WNK2: variants seen among roughly 807,000 people sequenced by gnomAD.
The protein encoded by WNK2 is serine/threonine-protein kinase WNK2.
A neutral mutation model predicts 192.1 loss-of-function variants in WNK2; 67 were observed. The observed-to-expected ratio is 0.35, with a 90% confidence interval of 0.29 to 0.43. WNK2 has a LOEUF of 0.43. Among genes scored for constraint, WNK2 ranks in the 20% least tolerant of loss-of-function variants. WNK2 has a pLI of 1.00. For synonymous variants in WNK2, 1,439 were observed against 1,393.9 expected (o/e 1.03, Z -0.72); for missense variants, 2,698 against 3,089.7 (o/e 0.87, Z 3.01).
At chr9:93,217,212 C>T (rs774472921) in intron 2 of WNK2, among the ~76,000 whole-genome samples, 40 of 152,212 alleles carry the variant, frequency 2.6e-4, no homozygotes, top group Non-Finnish European at 1.3e-4. Context: ...CTGCCTCGGC[C>T]TCCCAAAGTG....
intron 2 of WNK2, among the ~76,000 whole-genome samples, chr9:93,211,201 T>TTCACTCACTCATTTACTCACTCATCCAC (rs1834514677): frequency 3.1e-4 from 1 of 3,212 alleles, no homozygotes; most frequent in Non-Finnish European, 5.3e-4. Flanking sequence ...CACTCACACA[T>TTCACTCACTCATTTACTCACTCATCCAC]TTACTCATTC....
At chr9:93,297,355 G>T (rs1407052145) in intron 23 of WNK2, among the ~76,000 whole-genome samples, 3 of 152,200 alleles carry the variant, frequency 2.0e-5, no homozygotes, top group African/African-American at 4.8e-5. Context: ...CATATGGTGT[G>T]GCATGGCCCC....
chr9:93,204,748 G>C (rs1450374264), intron 2 of WNK2, among the ~76,000 whole-genome samples: 1 of 152,192 alleles, frequency 6.6e-6, no homozygotes, highest in Non-Finnish European at 1.5e-5. Flanking sequence ...TGTCAGCACT[G>C]TTTGGGGCTC....
intron 8 of WNK2, among the ~76,000 whole-genome samples, chr9:93,249,471 A>C (rs902734886): frequency 2.0e-4 from 31 of 152,076 alleles, no homozygotes; most frequent in African/African-American, 7.2e-4. Flanking sequence ...TCTCAAAAAC[A>C]CTTTTTTTGT....
chr9:93,186,439 G>A (rs1320369053), intron 2 of WNK2, among the ~76,000 whole-genome samples: 4 of 152,186 alleles, frequency 2.6e-5, no homozygotes, highest in South Asian at 4.1e-4. Flanking sequence ...GGAAGCAGAG[G>A]CCATGCCTGT....
At position 93,229,617 on chromosome 9, in the gene WNK2, G is replaced by GCGCTGCTGGGATGTGA; in HGVS notation, c.682-75_682-60dup. ...TGGGAAGGGCTGGTCCTACTGTGTG[G>GCGCTGCTGGGATGTGA]CGCTGCTGGGATGTGACGCCACCGT... On this transcript the variant is annotated intron_variant, in intron 2 of 29. Transcript: ENST00000427277. This position sits in a 1 kb window ranked among gnomAD's most constrained non-coding sequence, Gnocchi z 4.9. 5 of 1,495,720 alleles carry GCGCTGCTGGGATGTGA rather than the reference G, an allele frequency of 3.3e-6. No homozygotes were observed. The highest frequency in any genetic ancestry group is 4.5e-6 in the Non-Finnish European group (5 of 1,109,718). The allele number at this position is 1,495,720 out of a possible 1,614,324, so 92.7% of individuals were successfully genotyped here. A position where few individuals can be genotyped will look rare whatever the true frequency, so the allele number is the denominator to read the frequency against.
At chr9:93,201,675 C>CT (rs1436533956) in intron 2 of WNK2, among the ~76,000 whole-genome samples, 1 of 152,254 alleles carries the variant, frequency 6.6e-6, no homozygotes, top group African/African-American at 2.4e-5. Flanking sequence ...GGACCATGTG[C>CT]TTCCCAAGTG....
At chr9:93,209,594 G>A (rs1539669) in intron 2 of WNK2, among the ~76,000 whole-genome samples, 129,557 of 152,122 alleles carry the variant, frequency 0.85, 55,435 homozygotes, top group East Asian at 0.91. Flanking sequence ...TTTGGGGTGC[G>A]GTTGAGGAGA....
At chr9:93,221,408 A>G (rs1299444174) in intron 2 of WNK2, among the ~76,000 whole-genome samples, 8 of 152,328 alleles carry the variant, frequency 5.3e-5, no homozygotes, top group Non-Finnish European at 1.0e-4. Context: ...TGACAAGGCC[A>G]TGACAGACTC....
intron 3 of WNK2, among the ~76,000 whole-genome samples, 198 bp from the exon 4 acceptor site, chr9:93,230,690 C>A (rs1277199206): frequency 6.6e-6 from 1 of 152,202 alleles, no homozygotes; most frequent in East Asian, 1.9e-4. Context: ...GTGAGCCCAC[C>A]CAGCTGGCTG....
chr9:93,184,531 C>A (rs1828903120), intron 1 of WNK2, among the ~76,000 whole-genome samples, 146 bp downstream of exon 1: 1 of 152,154 alleles, frequency 6.6e-6, no homozygotes, highest in Non-Finnish European at 1.5e-5. Flanking sequence ...CCTCCCACCC[C>A]CGGGCTTCCC....
In WNK2 at chr9:93,308,573, G is replaced by C. The variant is rs148525339; in HGVS notation, c.6505G>C (p.Glu2169Gln). 6.3e-7 allele frequency: 1 copy of C among 1,584,650 alleles called. No homozygotes were observed. Among genetic ancestry groups the C allele is most frequent in the African/African-American group, 1.3e-5 (1 of 74,572 alleles). The part of the protein sequence containing the change: ...EAQAGWAAPG[E>Q]ARAMTAPRAG... Reference sequence around the variant, plus strand: ...CCAGGCAGGCTGGGCTGCCCCTGGCGAGGCGCGGGCTGTGAGTGCGGGGCG... The same window carrying C: ...CCAGGCAGGCTGGGCTGCCCCTGGCCAGGCGCGGGCTGTGAGTGCGGGGCG... Residue 2169 changes from glutamate to glutamine, a missense_variant, in exon 28 of 30, where the codon GAG becomes CAG. Glu to Gln is a conservative substitution (Grantham distance 29). This residue lies in a region of WNK2 where 167 missense variants were observed against 184.2 expected (regional missense o/e 0.91). Transcript: ENST00000427277.
chr9:93,310,915 G>A (rs983576304), intron 28 of WNK2, among the ~76,000 whole-genome samples: 1 of 152,200 alleles, frequency 6.6e-6, no homozygotes. Flanking sequence ...AGTGAACTAT[G>A]ATTGTACCAC....
rs971763979 is a variant in WNK2, at chr9:93,196,749, T to C, written c.681+11139T>C. On this transcript the variant is annotated intron_variant, in intron 2 of 29. Transcript: ENST00000427277. ...GTGTAGCAGGTTATGATCTGTTCTC[T>C]GGGGCTGGGCATAGTGAGTTTCTGG... Among the ~76,000 whole-genome samples, 2 of 152,224 alleles carry C rather than the reference T, an allele frequency of 1.3e-5. 1 individual carries two copies. Among genetic ancestry groups the C allele is most frequent in the Admixed American group, 1.3e-4 (2 of 15,288 alleles).
At chr9:93,242,270 G>A (rs1308390024) in intron 7 of WNK2, among the ~76,000 whole-genome samples, 2 of 152,168 alleles carry the variant, frequency 1.3e-5, no homozygotes, top group East Asian at 3.8e-4. Flanking sequence ...GTGGCCACCT[G>A]TGTCCCCACC....
intron 21 of WNK2, 128 bp from the exon 22 acceptor site, chr9:93,292,180 A>G (rs1305771678): frequency 1.4e-5 from 13 of 909,234 alleles, no homozygotes; most frequent in Non-Finnish European, 2.1e-5. Context: ...CCCAGTACCC[A>G]CTTCCATTGT....
In WNK2 at chr9:93,184,153, G is replaced by A. The variant is rs959443661; in HGVS notation, c.-235G>A. 2.7e-5 allele frequency among the ~76,000 whole-genome samples: 4 copies of A among 148,664 alleles called. No individual in the cohort carries two copies. Among genetic ancestry groups the A allele is most frequent in the African/African-American group, 7.4e-5 (3 of 40,724 alleles). On this transcript the variant is annotated 5_prime_UTR_variant, in exon 1 of 30. Coordinates refer to ENST00000427277, the MANE Select transcript of WNK2 (RefSeq NM_006648.4). The stretch of plus-strand genomic sequence containing the variant: ...GGAGCCCCGCCCTCCCCGCGCGCCG[G>A]GTCGGAGCCGGTGCGGGAGCGGAGC...
rs1853038426 is a variant in WNK2 at position 93,308,554 on chromosome 9, A to G, written c.6486A>G (p.Ala2162=). 2 of 1,392,952 alleles carry G rather than the reference A, an allele frequency of 1.4e-6. No homozygotes were observed. The highest frequency in any genetic ancestry group is 1.5e-5 in the African/African-American group (1 of 66,812). The allele number at this position is 1,392,952 out of a possible 1,614,324, so 86.3% of individuals were successfully genotyped here. A position where few individuals can be genotyped will look rare whatever the true frequency, so the allele number is the denominator to read the frequency against. The change falls in exon 28 of 30, where the codon GCA becomes GCG. Residue 2162 remains alanine, a synonymous_variant. Coordinates refer to ENST00000427277, the MANE Select transcript of WNK2 (RefSeq NM_006648.4). The part of the protein sequence containing the change: ...TQKLQDMEAQ[A]GWAAPGEARA... ...AGCTGCAAGACATGGAGGCCCAGGC[A>G]GGCTGGGCTGCCCCTGGCGAGGCGC...
At chr9:93,238,529 CTTG>C (rs1840202212) in intron 6 of WNK2, among the ~76,000 whole-genome samples, 2 of 152,198 alleles carry the variant, frequency 1.3e-5, no homozygotes, top group African/African-American at 4.8e-5. Context: ...CCCTCACGTC[CTTG>C]TTGGCCATCT....
Sources: allele counts gnomAD v4.1 joint callset (sites outside exome capture counted in the v4.1 genomes callset), GRCh38; gene constraint gnomAD v4.1.1; regional missense constraint gnomAD v4.1.1; non-coding constraint Gnocchi (gnomAD v3.1); transcripts MANE v1.5; gene names NCBI Gene and HGNC (gene_info 2026-07-23, HGNC 2026-07-21).